ABCA5: variants seen among roughly 807,000 people sequenced by gnomAD.
The protein encoded by ABCA5 is ATP binding cassette subfamily A member 5.
A neutral mutation model predicts 206.0 loss-of-function variants in ABCA5; 163 were observed. The ratio of observed to expected loss-of-function variants is 0.79; its 90% confidence interval spans 0.70 to 0.90. ABCA5 has a LOEUF of 0.90. ABCA5 is among the 40% of genes least tolerant of loss of function. The pLI is 0.00. For missense variants in ABCA5, 1,859 were observed against 1,912.9 expected, an observed-to-expected ratio of 0.97 and a Z score of 0.53; for synonymous variants, 609 against 613.8, an observed-to-expected ratio of 0.99 and a Z score of 0.11.
chr17:69,272,364 C>T (rs1185121973), intron 20 of ABCA5, among the ~76,000 whole-genome samples: 1 of 151,962 alleles, frequency 6.6e-6, no homozygotes, highest in Admixed American at 6.6e-5. Flanking sequence ...TTGGAACACA[C>T]ACAAGGCTTA....
At chr17:69,285,821 C>T in intron 17 of ABCA5, 77 bp downstream of exon 17, 1 of 1,419,660 alleles carries the variant, frequency 7.0e-7, no homozygotes, top group Non-Finnish European at 9.5e-7. Context: ...GAGAAGGAAA[C>T]AAAAAGGAAA....
In ABCA5 at chr17:69,277,850, C is replaced by T. The variant is rs1449766759; in HGVS notation, c.2393-8G>A. On this transcript the variant is annotated splice_polypyrimidine_tract_variant and splice_region_variant and intron_variant, in intron 18 of 38. Coordinates refer to ENST00000392676, the MANE Select transcript of ABCA5 (RefSeq NM_172232.4). ...GAGTAAATACACTATAATCTATTTGCCAAAACAAAACAAACATTTCAGTAT... is the reference window on the plus strand; with the variant it reads ...GAGTAAATACACTATAATCTATTTGTCAAAACAAAACAAACATTTCAGTAT... 2 of 1,479,884 alleles carry T rather than the reference C, an allele frequency of 1.4e-6. No individual in the cohort carries two copies. Among genetic ancestry groups the T allele is most frequent in the African/African-American group, 2.9e-5 (2 of 69,322 alleles). The allele number at this position is 1,479,884 out of a possible 1,614,324, so 91.7% of individuals were successfully genotyped here.
chr17:69,266,750 TTAC>T (rs1376335880), intron 23 of ABCA5, among the ~76,000 whole-genome samples: 3 of 149,666 alleles, frequency 2.0e-5, no homozygotes, highest in African/African-American at 2.4e-5. Context: ...AATTTATACA[TTAC>T]TACAATGAGT....
intron 1 of ABCA5, among the ~76,000 whole-genome samples, chr17:69,315,747 C>T (rs895004747): frequency 1.4e-5 from 2 of 145,160 alleles, no homozygotes; most frequent in African/African-American, 2.5e-5. Context: ...TGCACCGCTT[C>T]ACACCAGCCT....
At chr17:69,295,043 T>C (rs1040596735) in intron 10 of ABCA5, among the ~76,000 whole-genome samples, 1 of 152,164 alleles carries the variant, frequency 6.6e-6, no homozygotes, top group African/African-American at 2.4e-5. Context: ...ATATATTTTG[T>C]AGGTTTTACA....
rs775063725 is a variant in ABCA5, at chr17:69,251,819, A to G, written c.4463T>C (p.Leu1488Pro). The G allele has an allele frequency of 6.2e-7, 1 of 1,614,042 alleles. No individual in the cohort carries two copies. Among genetic ancestry groups the G allele is most frequent in the Admixed American group, 1.7e-5 (1 of 59,990 alleles). ...AFKNRKRAAI[L>P]TTHYMEEAEA... ...TGCCTCCTCCATATAGTGAGTGGTC[A>G]GAATAGCAGCCCGCTTTCTGTTTTT... is the stretch of plus-strand genomic sequence containing the variant. The change falls in exon 35 of 39, where the codon CTG becomes CCG. Residue 1488 changes from leucine (L) to proline (P), a missense_variant. By Grantham distance (98) the Leu-to-Pro change is moderately conservative. Coordinates refer to ENST00000392676, the MANE Select transcript of ABCA5 (RefSeq NM_172232.4).
At chr17:69,262,978 T>C (rs2075165822) in intron 24 of ABCA5, among the ~76,000 whole-genome samples, 1 of 152,246 alleles carries the variant, frequency 6.6e-6, no homozygotes, top group Non-Finnish European at 1.5e-5. Context: ...TACATTTCTC[T>C]GATGATTAGT....
chr17:69,292,475 C>T (rs2075539605), intron 11 of ABCA5, among the ~76,000 whole-genome samples: 1 of 152,148 alleles, frequency 6.6e-6, no homozygotes, highest in Non-Finnish European at 1.5e-5. Context: ...TCTTGCAAAA[C>T]TCACTGTTTA....
rs1488246445 is a variant in ABCA5 at position 69,326,224 on chromosome 17, G to A, written c.-16+828C>T. Reference sequence around the variant, plus strand: ...TGGAATAACCCCCTCCAATCCTACAGGGTTGCTGTCAGAATGAAAAGAGCT... The same window carrying A: ...TGGAATAACCCCCTCCAATCCTACAAGGTTGCTGTCAGAATGAAAAGAGCT... On this transcript the variant is annotated intron_variant, in intron 1 of 38. Transcript: ENST00000392676. This position sits in a 1 kb window ranked among gnomAD's most constrained non-coding sequence, Gnocchi z 4.8. Among the ~76,000 whole-genome samples, 4 of 152,170 alleles carry A rather than the reference G, an allele frequency of 2.6e-5. No homozygotes were observed. The highest frequency in any genetic ancestry group is 5.9e-5 in the Non-Finnish European group (4 of 68,026).
intron 20 of ABCA5, among the ~76,000 whole-genome samples, chr17:69,272,769 A>G (rs1236580214): frequency 6.6e-6 from 1 of 152,216 alleles, no homozygotes; most frequent in Non-Finnish European, 1.5e-5. Context: ...ATCAATAAAT[A>G]CATCTTTACC....
rs1266708809 is a variant in ABCA5 at position 69,277,621 on chromosome 17, A to C, written c.2594+20T>G. 7.0e-6 allele frequency: 11 copies of C among 1,581,428 alleles called. No homozygotes were observed. Among genetic ancestry groups the C allele is most frequent in the Non-Finnish European group, 9.5e-6 (11 of 1,163,612 alleles). On this transcript the variant is annotated intron_variant, in intron 19 of 38. Transcript: ENST00000392676. ...CTTAAAAAGCAATCCATCAGGTATA[A>C]GGGTGATAATTATACTTACACTGAT...
chr17:69,284,493 CTAT>C (rs2144969045), intron 17 of ABCA5, among the ~76,000 whole-genome samples: 1 of 151,954 alleles, frequency 6.6e-6, no homozygotes, highest in South Asian at 2.1e-4. Context: ...GAGAATGTTA[CTAT>C]ATTGAATAAT....
intron 27 of ABCA5, 74 bp from the exon 28 acceptor site, chr17:69,259,871 A>T (rs2075127102): frequency 1.1e-6 from 1 of 903,636 alleles, no homozygotes; most frequent in Non-Finnish European, 1.7e-6. Context: ...CTTTGCCAAC[A>T]GAACTAAGAC....
At chr17:69,278,893 A>G (rs1455002158) in intron 18 of ABCA5, among the ~76,000 whole-genome samples, 1 of 151,026 alleles carries the variant, frequency 6.6e-6, no homozygotes, top group Non-Finnish European at 1.5e-5. Flanking sequence ...TCTCAAAATA[A>G]TAAGAGCTAT....
At chr17:69,309,650 C>T (rs1280852346) in intron 3 of ABCA5, among the ~76,000 whole-genome samples, 1 of 152,054 alleles carries the variant, frequency 6.6e-6, no homozygotes. Flanking sequence ...CAAGTCCAAC[C>T]TGGGCAACAT....
At chr17:69,281,096 ATATT>A (rs2075387832) in intron 18 of ABCA5, among the ~76,000 whole-genome samples, 2 of 151,726 alleles carry the variant, frequency 1.3e-5, no homozygotes, top group African/African-American at 4.8e-5. Flanking sequence ...CCATAAACAT[ATATT>A]TATTTAATGG....
Position 69,259,744 on chromosome 17 carries a change from T to G in ABCA5, c.3693A>C (p.Lys1231Asn), listed in dbSNP as rs780868713. The change falls in exon 28 of 39, where the codon AAA becomes AAC. Residue 1231 changes from lysine to asparagine, a missense_variant. Lys to Asn is a moderately conservative substitution (Grantham distance 94, BLOSUM62 0). Coordinates refer to ENST00000392676, the MANE Select transcript of ABCA5 (RefSeq NM_172232.4). ...WIFLLQYYEK[K>N]YGGRSIRKDP... ...CTTTTCTTATTGATCTGCCTCCATA[T>G]TTTTTCTCATAGTATTGTAAGAGGA... 1.3e-5 allele frequency: 21 copies of G among 1,609,038 alleles called. No individual in the cohort carries two copies. In the South Asian group the frequency reaches 2.2e-4, roughly 17 times the overall value.
chr17:69,280,006 T>C (rs899110861), intron 18 of ABCA5, among the ~76,000 whole-genome samples: 3 of 152,052 alleles, frequency 2.0e-5, no homozygotes, highest in East Asian at 1.9e-4. Context: ...CCAAAAGCAA[T>C]AGCAACAAAA....
intron 9 of ABCA5, among the ~76,000 whole-genome samples, chr17:69,300,355 G>C (rs1391318333): frequency 1.3e-5 from 2 of 152,216 alleles, no homozygotes; most frequent in Non-Finnish European, 2.9e-5. Context: ...TGTGAATACA[G>C]ATGAAGCTTC....
Sources: gnomAD v4.1 joint callset for allele counts (sites outside exome capture counted in the v4.1 genomes callset) on GRCh38, gnomAD v4.1.1 for gene constraint, Gnocchi (gnomAD v3.1) non-coding constraint, MANE v1.5 for transcripts, NCBI Gene and HGNC (gene_info 2026-07-23, HGNC 2026-07-21) for gene names.